NAF1: variants seen among roughly 807,000 people sequenced by gnomAD.
The protein encoded by NAF1 is nuclear assembly factor 1 ribonucleoprotein.
NAF1 carries 11 observed loss-of-function variants against 40.6 expected under a neutral mutation model. That is an observed-to-expected ratio of 0.27 (90% confidence interval 0.17 to 0.45). The LOEUF (loss-of-function observed/expected upper bound fraction) is 0.45. Among genes scored for constraint, NAF1 ranks in the 20% least tolerant of loss-of-function variants. The probability of loss-of-function intolerance (pLI) is 1.00; values close to 1 mark genes in which losing one functional copy is unlikely to be tolerated. For synonymous variants in NAF1, 260 were observed against 228.5 expected (o/e 1.14, Z -1.24); for missense variants, 607 against 611.1 (o/e 0.99, Z 0.07).
At chr4:163,127,137 A>G, downstream of NAF1, 1 of 1,547,652 alleles carries the variant, frequency 6.5e-7, no homozygotes, top group Non-Finnish European at 8.7e-7. Flanking sequence ...AAATGGACAG[A>G]TTTTTACTTT....
chr4:163,117,664 A>C (rs1730385032), intron 2 of NAF1, among the ~76,000 whole-genome samples: 1 of 115,876 alleles, frequency 8.6e-6, no homozygotes, highest in African/African-American at 3.6e-5. Flanking sequence ...ATTATTTTTA[A>C]ACTCCCTGGA....
chr4:163,153,308 G>T (rs960994615), intron 2 of NAF1, among the ~76,000 whole-genome samples: 11 of 152,248 alleles, frequency 7.2e-5, no homozygotes, highest in Admixed American at 7.2e-4. Flanking sequence ...GAAGCCAGCT[G>T]GGCTCCTGAG....
chr4:163,108,229 A>T (rs1017082048), downstream of NAF1, among the ~76,000 whole-genome samples: 3 of 152,176 alleles, frequency 2.0e-5, no homozygotes, highest in African/African-American at 7.2e-5. Flanking sequence ...AGCATTTTTC[A>T]CTGTAATTGC....
chr4:163,160,230 T>C (rs1415719463), intron 2 of NAF1, among the ~76,000 whole-genome samples: 5 of 152,166 alleles, frequency 3.3e-5, no homozygotes, highest in Non-Finnish European at 2.9e-5. Flanking sequence ...TTTTATCTAG[T>C]TAAACTTATT....
chr4:163,150,449 ATTT>A (rs35697834), intron 2 of NAF1, among the ~76,000 whole-genome samples: 2,058 of 152,194 alleles, frequency 0.014, 22 homozygotes, highest in Middle Eastern at 0.031. Context: ...ACTTCAAAAT[ATTT>A]TTTACTTAAA....
In NAF1 at chr4:163,128,831, T is replaced by C; in HGVS notation, c.*66A>G. On this transcript the variant is annotated 3_prime_UTR_variant, in exon 8 of 8. Transcript: ENST00000274054. ...TAAAAATCTAGCTCCATAATCACTC[T>C]TGAAAAAAAAAAATCCTTACCACAT... is the stretch of plus-strand genomic sequence containing the variant. 1 of 1,439,760 alleles carries C rather than the reference T, an allele frequency of 6.9e-7. No homozygotes were observed. The highest frequency in any genetic ancestry group is 2.3e-5 in the East Asian group (1 of 43,374). The allele number at this position is 1,439,760 out of a possible 1,614,324, so 89.2% of individuals were successfully genotyped here.
chr4:163,138,641 AAC>A (rs1465658424), intron 5 of NAF1, among the ~76,000 whole-genome samples: 1 of 152,080 alleles, frequency 6.6e-6, no homozygotes, highest in Non-Finnish European at 1.5e-5. Flanking sequence ...TCTAGAATAC[AAC>A]AGTTTTCCTG....
At chr4:163,136,477 A>G (rs1409010802) in intron 6 of NAF1, among the ~76,000 whole-genome samples, 1 of 151,502 alleles carries the variant, frequency 6.6e-6, no homozygotes, top group Non-Finnish European at 1.5e-5. Flanking sequence ...AATACATGCT[A>G]TTTTTAAGAA....
At chr4:163,113,644 C>G (rs754752166) in intron 2 of NAF1, among the ~76,000 whole-genome samples, 4 of 152,158 alleles carry the variant, frequency 2.6e-5, no homozygotes, top group Non-Finnish European at 5.9e-5. Context: ...TAGAAGTTTC[C>G]TGGATCCCTA....
chr4:163,138,002 T>C (rs1051150246), intron 5 of NAF1, among the ~76,000 whole-genome samples: 2 of 152,166 alleles, frequency 1.3e-5, no homozygotes, highest in African/African-American at 4.8e-5. Context: ...TTAATCTTTT[T>C]AATTTTGTTA....
At chr4:163,107,277 G>A (rs903751947), downstream of NAF1, among the ~76,000 whole-genome samples, 16 of 152,204 alleles carry the variant, frequency 1.1e-4, no homozygotes, top group Admixed American at 1.0e-3. Context: ...ATGAGCCACT[G>A]TGCCTAGCAC....
intron 2 of NAF1, among the ~76,000 whole-genome samples, chr4:163,153,989 C>T (rs1047813467): frequency 6.6e-6 from 1 of 151,856 alleles, no homozygotes; most frequent in African/African-American, 2.4e-5. Context: ...ACAAACAACT[C>T]CAGACATGCC....
Position 163,145,798 on chromosome 4 carries a change from C to A in NAF1, c.701G>T (p.Arg234Leu), listed in dbSNP as rs755320741. 2 of 1,584,958 alleles carry A rather than the reference C, an allele frequency of 1.3e-6. No individual in the cohort carries two copies. Among genetic ancestry groups the A allele is most frequent in the Admixed American group, 1.7e-5 (1 of 58,868 alleles). The part of the protein sequence containing the change: ...NEETVIFKSD[R>L]QAAGKIFEIF... ...TTTACAAACCTTTCCTGCTGCTTGT[C>A]GATCACTTTTAAAAATTACAGTCTC... Residue 234 changes from arginine to leucine, a missense_variant, in exon 4 of 8, where the codon CGA becomes CTA. Coordinates refer to ENST00000274054, the MANE Select transcript of NAF1 (RefSeq NM_138386.3).
chr4:163,137,568 A>T lies in NAF1; in HGVS notation c.879-318T>A, dbSNP rs528817561. Reference sequence around the variant, plus strand: ...TTGCAGTTTTCACAAAACTCAGTTTAAAAAAAATGCTTATTTCACGCCAAC... The same window carrying T: ...TTGCAGTTTTCACAAAACTCAGTTTTAAAAAAATGCTTATTTCACGCCAAC... On this transcript the variant is annotated intron_variant, in intron 5 of 7. Transcript: ENST00000274054. Among the ~76,000 whole-genome samples, 406 of 152,106 alleles carry T rather than the reference A, an allele frequency of 2.7e-3. 1 individual carries two copies. The highest frequency in any genetic ancestry group is 4.5e-3 in the Non-Finnish European group (309 of 67,946).
At chr4:163,135,009 C>G (rs770871559) in intron 6 of NAF1, 3 of 152,118 alleles carry the variant, frequency 2.0e-5, no homozygotes, top group Admixed American at 6.5e-5. Context: ...TTCTTATATG[C>G]AAATTAATTC....
chr4:163,155,347 T>C (rs1731937255), intron 2 of NAF1, among the ~76,000 whole-genome samples: 1 of 152,212 alleles, frequency 6.6e-6, no homozygotes, highest in Non-Finnish European at 1.5e-5. Flanking sequence ...CTCATTGCTA[T>C]AGCACCCAAA....
intron 2 of NAF1, among the ~76,000 whole-genome samples, chr4:163,120,508 T>C (rs1396239926): frequency 6.6e-6 from 1 of 152,138 alleles, no homozygotes; most frequent in Non-Finnish European, 1.5e-5. Flanking sequence ...AAAGATGGAG[T>C]AATGGAACTA....
At chr4:163,135,269 A>G (rs1324212475) in intron 6 of NAF1, 5 of 152,180 alleles carry the variant, frequency 3.3e-5, no homozygotes, top group Non-Finnish European at 7.3e-5. Context: ...TCTATGATCA[A>G]TACCAGGCAA....
rs756651005 is a variant in NAF1, at chr4:163,129,199, A to C, written c.1183T>G (p.Phe395Val). 1.1e-5 allele frequency: 18 copies of C among 1,613,918 alleles called. No homozygotes were observed. Among genetic ancestry groups the C allele is most frequent in the Non-Finnish European group, 1.5e-5 (18 of 1,179,820 alleles). The stretch of plus-strand genomic sequence containing the variant: ...GATACCATATGTTCTGAGTTATAGA[A>C]ATGCTGAGGTGGAGGCCTGCCATGG... ...SCHGRPPPQH[F>V]YNSEHMVSQE... The change falls in exon 8 of 8, where the codon TTC becomes GTC. Residue 395 changes from phenylalanine to valine, a missense_variant. By Grantham distance (50) the Phe-to-Val change is conservative (BLOSUM62 -1). Transcript: ENST00000274054.
Sources: allele counts gnomAD v4.1 joint callset (sites outside exome capture counted in the v4.1 genomes callset), GRCh38; gene constraint gnomAD v4.1.1; transcripts MANE v1.5; gene names NCBI Gene and HGNC (gene_info 2026-07-23, HGNC 2026-07-21).